Variants in ANGPT1 observed in about 807,000 individuals in gnomAD.
The protein encoded by ANGPT1 is angiopoietin 1.
In ANGPT1, 17 loss-of-function variants were observed where a neutral mutation model predicts 62.2. That is an observed-to-expected ratio of 0.27 (90% CI 0.19 to 0.41). The LOEUF is 0.41. Among genes scored for constraint, ANGPT1 ranks in the 10% least tolerant of loss-of-function variants. The pLI is 1.00. For missense variants in ANGPT1, 478 were observed against 594.9 expected (o/e 0.80, Z 2.04); for synonymous variants, 199 against 198.9 (o/e 1.00, Z 0.00).
intron 2 of ANGPT1, among the ~76,000 whole-genome samples, chr8:107,337,258 T>C (rs1344198726): frequency 6.6e-6 from 1 of 152,162 alleles, no homozygotes; most frequent in Non-Finnish European, 1.5e-5. Context: ...GTCAAACCAA[T>C]CTGAGGAAAT....
intron 1 of ANGPT1, among the ~76,000 whole-genome samples, chr8:107,415,265 G>T (rs1283679): frequency 0.83 from 126,264 of 152,136 alleles, 52,513 homozygotes; most frequent in African/African-American, 0.87. Flanking sequence ...GAGCAAAACT[G>T]TTGAGCAAGA....
chr8:107,383,598 G>T (rs924103725), intron 1 of ANGPT1, among the ~76,000 whole-genome samples: 8 of 152,198 alleles, frequency 5.3e-5, no homozygotes, highest in African/African-American at 1.9e-4. Context: ...GGCACTTACC[G>T]ACACACAACA....
intron 1 of ANGPT1, among the ~76,000 whole-genome samples, chr8:107,479,895 A>G (rs1445346354): frequency 6.6e-6 from 1 of 152,218 alleles, no homozygotes; most frequent in African/African-American, 2.4e-5. Context: ...TCAAAGGAGC[A>G]CAAAAATATA....
intron 1 of ANGPT1, among the ~76,000 whole-genome samples, chr8:107,479,063 G>C (rs974221025): frequency 6.6e-6 from 1 of 151,912 alleles, no homozygotes; most frequent in East Asian, 1.9e-4. Context: ...TGTCTTAACG[G>C]TTCTGCCACT....
chr8:107,405,942 A>T (rs1817139891), intron 1 of ANGPT1, among the ~76,000 whole-genome samples: 1 of 151,972 alleles, frequency 6.6e-6, no homozygotes, highest in Non-Finnish European at 1.5e-5. Context: ...TTGAAGTCTT[A>T]CAACTTCAAC....
At chr8:107,354,109 A>G (rs907288116) in intron 1 of ANGPT1, among the ~76,000 whole-genome samples, 3 of 152,102 alleles carry the variant, frequency 2.0e-5, no homozygotes, top group Admixed American at 6.5e-5. Context: ...AGTCATTTAC[A>G]TTGCCCCTAG....
In ANGPT1 at chr8:107,303,221, C is replaced by A. The variant is rs199717560; in HGVS notation, c.936+19G>T. The stretch of plus-strand genomic sequence containing the variant: ...TGGGATCTGGCTTACATCTTGTAAA[C>A]AAACACTTCTGGTTTTACCTTTTTG... On this transcript the variant is annotated intron_variant, in intron 5 of 8. Coordinates refer to ENST00000517746, the MANE Select transcript of ANGPT1 (RefSeq NM_001146.5). The A allele has an allele frequency of 1.9e-4, 313 of 1,607,264 alleles. No individual in the cohort carries two copies. The Middle Eastern group carries it at 4.7e-3, about 24-fold the overall frequency.
At chr8:107,387,692 G>C (rs1011603401) in intron 1 of ANGPT1, among the ~76,000 whole-genome samples, 6 of 151,706 alleles carry the variant, frequency 4.0e-5, no homozygotes, top group African/African-American at 1.5e-4. Context: ...CTTTGACAGA[G>C]AAAAAAATGG....
chr8:107,264,231 C>T lies in ANGPT1; in HGVS notation c.1326G>A (p.Met442Ile), dbSNP rs1813562363. 1 of 1,613,314 alleles carries T rather than the reference C, an allele frequency of 6.2e-7. No individual in the cohort carries two copies. The highest frequency in any genetic ancestry group is 8.5e-7 in the Non-Finnish European group (1 of 1,179,628). The change falls in exon 8 of 9, where the codon ATG becomes ATA. Residue 442 changes from methionine (M) to isoleucine (I), a missense_variant. This residue lies in a region of ANGPT1 where 19 missense variants were observed against 72.9 expected (regional missense o/e 0.26). Coordinates refer to ENST00000517746, the MANE Select transcript of ANGPT1 (RefSeq NM_001146.5). ...CCCCATAGGACTTACCTCCTGTTAACATGAGGGCACATTTGCACATACAGT... is the reference window on the plus strand; with the variant it reads ...CCCCATAGGACTTACCTCCTGTTAATATGAGGGCACATTTGCACATACAGT... ...NDNCMCKCALMLTGGWWFDAC... is the reference protein window; with the variant it reads ...NDNCMCKCALILTGGWWFDAC...
At chr8:107,330,241 A>G (rs1174640850) in intron 3 of ANGPT1, among the ~76,000 whole-genome samples, 1 of 152,196 alleles carries the variant, frequency 6.6e-6, no homozygotes, top group Non-Finnish European at 1.5e-5. Flanking sequence ...AACTTCATAC[A>G]GTACAATTAT....
At chr8:107,438,634 T>G (rs1811395926) in intron 1 of ANGPT1, among the ~76,000 whole-genome samples, 1 of 152,160 alleles carries the variant, frequency 6.6e-6, no homozygotes, top group Admixed American at 6.5e-5. Context: ...ATCTTTACTA[T>G]TTATATAAAT....
At chr8:107,292,081 T>C (rs76791551) in intron 6 of ANGPT1, among the ~76,000 whole-genome samples, 2,733 of 152,208 alleles carry the variant, frequency 0.018, 63 homozygotes, top group African/African-American at 0.059. Flanking sequence ...GAGCTTGAGA[T>C]TCGTGTTTCC....
chr8:107,470,665 G>C (rs1043422796), intron 1 of ANGPT1, among the ~76,000 whole-genome samples: 3 of 152,018 alleles, frequency 2.0e-5, no homozygotes, highest in Non-Finnish European at 2.9e-5. Context: ...TTTGGCTTTT[G>C]TTGCCATTTC....
chr8:107,302,717 A>G (rs1024849515), intron 5 of ANGPT1, among the ~76,000 whole-genome samples: 4 of 151,942 alleles, frequency 2.6e-5, no homozygotes, highest in African/African-American at 9.7e-5. Flanking sequence ...ATACTGATGA[A>G]TCCGATCCTC....
At chr8:107,460,545 ACT>A (rs1812042344) in intron 1 of ANGPT1, among the ~76,000 whole-genome samples, 1 of 152,140 alleles carries the variant, frequency 6.6e-6, no homozygotes, top group Non-Finnish European at 1.5e-5. Context: ...TCTTGGTGTA[ACT>A]CTGCCACTGC....
intron 3 of ANGPT1, among the ~76,000 whole-genome samples, chr8:107,325,591 T>A (rs2130079310): frequency 6.6e-6 from 1 of 152,288 alleles, no homozygotes; most frequent in African/African-American, 2.4e-5. Context: ...TTGGAAAATA[T>A]CATGCTATAG....
chr8:107,426,670 A>G (rs1811050073), intron 1 of ANGPT1, among the ~76,000 whole-genome samples: 2 of 152,322 alleles, frequency 1.3e-5, no homozygotes, highest in Admixed American at 1.3e-4. Flanking sequence ...ATTTGTATGT[A>G]GAGCATACGC....
chr8:107,450,386 A>G (rs1012664763), intron 1 of ANGPT1, among the ~76,000 whole-genome samples: 4 of 151,976 alleles, frequency 2.6e-5, no homozygotes, highest in Non-Finnish European at 5.9e-5. Flanking sequence ...CATCTGTGTT[A>G]TGTGATAAAG....
intron 1 of ANGPT1, among the ~76,000 whole-genome samples, chr8:107,465,939 TCC>T (rs1465763637): frequency 1.3e-5 from 2 of 152,170 alleles, no homozygotes; most frequent in Non-Finnish European, 2.9e-5. Context: ...AGGAACAAGT[TCC>T]AGGAAGGACT....
Sources: gnomAD v4.1 joint callset for allele counts (sites outside exome capture counted in the v4.1 genomes callset) on GRCh38, gnomAD v4.1.1 for gene constraint, gnomAD v4.1.1 regional missense constraint, MANE v1.5 for transcripts, NCBI Gene and HGNC (gene_info 2026-07-23, HGNC 2026-07-21) for gene names.